The following NR3C1 variants were observed in gnomAD, a reference collection of about 807,000 sequenced individuals.
The protein encoded by NR3C1 is glucocorticoid receptor.
Under a neutral mutation model 74.0 loss-of-function variants are expected in NR3C1, and 14 were observed. The observed-to-expected ratio is 0.19, with a 90% CI of 0.12 to 0.30. NR3C1 has a LOEUF of 0.30. Ranked by LOEUF, NR3C1 falls within the 10% of genes least tolerant of loss-of-function variation. The pLI, the probability that NR3C1 is intolerant of heterozygous loss-of-function variation, is 1.00. For synonymous variants in NR3C1, 308 were observed against 332.5 expected (o/e 0.93, Z 0.80); for missense variants, 695 against 909.8 (o/e 0.76, Z 3.04).
intron 7 of NR3C1, among the ~76,000 whole-genome samples, chr5:143,291,527 A>ATTACTTTTCTTTAGCCTAAC (rs57155518): frequency 6.6e-6 from 1 of 151,934 alleles, no homozygotes; most frequent in Non-Finnish European, 1.5e-5. Context: ...CCTGGCTGGG[A>ATTACTTTTCTTTAGCCTAAC]TATATCCTCT....
At chr5:143,321,841 T>C (rs1823454840) in intron 2 of NR3C1, among the ~76,000 whole-genome samples, 1 of 152,238 alleles carries the variant, frequency 6.6e-6, no homozygotes, top group Non-Finnish European at 1.5e-5. Context: ...CACTGCCATA[T>C]AGCACTTTGC....
At chr5:143,411,207 A>G (rs775458250) in intron 1 of NR3C1, among the ~76,000 whole-genome samples, 2 of 152,186 alleles carry the variant, frequency 1.3e-5, no homozygotes, top group Admixed American at 6.5e-5. Context: ...GAGTACCTAT[A>G]CTATAGAAAT....
At chr5:143,411,366 A>G (rs896900174) in intron 1 of NR3C1, among the ~76,000 whole-genome samples, 3 of 152,202 alleles carry the variant, frequency 2.0e-5, no homozygotes, top group Admixed American at 6.5e-5. Flanking sequence ...AGTACTTGAA[A>G]GCTATTATCA....
intron 2 of NR3C1, among the ~76,000 whole-genome samples, chr5:143,337,749 A>G (rs1600093070): frequency 6.6e-6 from 1 of 152,372 alleles, no homozygotes; most frequent in East Asian, 1.9e-4. Context: ...TTCTATTCAC[A>G]TAAAATTCAT....
At chr5:143,395,728 A>G (rs1022070825) in intron 2 of NR3C1, among the ~76,000 whole-genome samples, 1 of 151,940 alleles carries the variant, frequency 6.6e-6, no homozygotes, top group Non-Finnish European at 1.5e-5. Flanking sequence ...GTCTAAGCTT[A>G]ATGTAAATTA....
At chr5:143,310,767 C>T (rs1420964197) in intron 3 of NR3C1, among the ~76,000 whole-genome samples, 1 of 152,190 alleles carries the variant, frequency 6.6e-6, no homozygotes, top group Non-Finnish European at 1.5e-5. Context: ...AAGCAATTCT[C>T]CTGGCTCAGA....
chr5:143,403,593 A>AGGC lies in NR3C1; in HGVS notation c.-399_-397dup. Reference sequence around the variant, plus strand: ...CAGACACGAGCTCGCAAAATGGAGGAGGCGGCGGCGGAGGGAAGAGAGCGC... The same window carrying AGGC: ...CAGACACGAGCTCGCAAAATGGAGGAGGCGGCGGCGGCGGAGGGAAGAGAGCGC... On this transcript the variant is annotated 5_prime_UTR_variant, in exon 1 of 9. Transcript: ENST00000394464. The AGGC allele has an allele frequency of 2.0e-6, 2 of 986,252 alleles. No homozygotes were observed. The highest frequency in any genetic ancestry group is 2.4e-6 in the Non-Finnish European group (2 of 830,664). 61.1% of individuals were successfully genotyped at this position (986,252 alleles called of 1,614,324 possible). A position where few individuals can be genotyped will look rare whatever the true frequency, so the allele number is the denominator to read the frequency against.
At chr5:143,294,484 C>A in intron 7 of NR3C1, 1 of 211,736 alleles carries the variant, frequency 4.7e-6, no homozygotes, top group Non-Finnish European at 8.2e-6. Context: ...ACCTCCTGTC[C>A]CACACATCAT....
intron 2 of NR3C1, among the ~76,000 whole-genome samples, chr5:143,329,796 A>C (rs776412239): frequency 2.0e-5 from 3 of 152,206 alleles, no homozygotes; most frequent in Non-Finnish European, 2.9e-5. Flanking sequence ...CTCCAGATAC[A>C]GATAAAAGGG....
At chr5:143,421,283 G>T (rs1423508147) in intron 1 of NR3C1, among the ~76,000 whole-genome samples, 1 of 152,148 alleles carries the variant, frequency 6.6e-6, no homozygotes, top group Non-Finnish European at 1.5e-5. Flanking sequence ...GCTCAGAAGG[G>T]CTTGCATGTT....
Position 143,309,983 on chromosome 5 carries a change from T to C in NR3C1, c.1468+114A>G, listed in dbSNP as rs940928008. ...AGTAACATTATGCTAGTCAAGCATA[T>C]ATATACTGAACTGACTACATTAATT... On this transcript the variant is annotated intron_variant, in intron 4 of 8. Transcript: ENST00000394464. 3.2e-5 allele frequency: 26 copies of C among 807,940 alleles called. No homozygotes were observed. The Middle Eastern group carries it at 1.0e-3, about 33-fold the overall frequency. The allele number at this position is 807,940 out of a possible 1,614,324, so 50.0% of individuals were successfully genotyped here. A position where few individuals can be genotyped will look rare whatever the true frequency, so the allele number is the denominator to read the frequency against.
chr5:143,322,734 C>G (rs1823645346), intron 2 of NR3C1, among the ~76,000 whole-genome samples: 1 of 152,154 alleles, frequency 6.6e-6, no homozygotes, highest in South Asian at 2.1e-4. Context: ...CCCTCAGAAC[C>G]AATCTCAACC....
At chr5:143,287,048 A>AAAAT (rs1814654480) in intron 7 of NR3C1, among the ~76,000 whole-genome samples, 1 of 152,116 alleles carries the variant, frequency 6.6e-6, no homozygotes, top group South Asian at 2.1e-4. Flanking sequence ...GAAATGAATG[A>AAAAT]AAATATACAA....
intron 8 of NR3C1, 33 bp from the exon 9 acceptor site, chr5:143,282,074 C>A: frequency 6.2e-7 from 1 of 1,612,586 alleles, no homozygotes; most frequent in South Asian, 1.1e-5. Context: ...GATCAGGCTT[C>A]CAAATTGGTC....
At chr5:143,378,009 G>T (rs1174166228) in intron 2 of NR3C1, among the ~76,000 whole-genome samples, 1 of 152,128 alleles carries the variant, frequency 6.6e-6, no homozygotes, top group Non-Finnish European at 1.5e-5. Flanking sequence ...CAGCATTTTG[G>T]AAGGCTGAGA....
intron 2 of NR3C1, among the ~76,000 whole-genome samples, chr5:143,338,344 C>CTTT (rs562531555): frequency 6.9e-6 from 1 of 144,564 alleles, no homozygotes; most frequent in Admixed American, 6.9e-5. Context: ...ACTTCTTGTC[C>CTTT]TTTTTTTTTT....
At position 143,341,857 on chromosome 5, in the gene NR3C1, A is replaced by G. The variant is rs61752278; in HGVS notation, c.1185-27689T>C. ...AAATTTTATTATGAATTGAACTGAA[A>G]TATTAGTACTATGGGCTTAACATCA... On this transcript the variant is annotated intron_variant, in intron 2 of 8. Coordinates refer to ENST00000394464, the MANE Select transcript of NR3C1 (RefSeq NM_000176.3). Among the ~76,000 whole-genome samples the G allele has an allele frequency of 9.5e-3, 1,448 of 152,324 alleles. 11 individuals are homozygous for G. Among genetic ancestry groups the G allele is most frequent in the South Asian group, 0.023 (109 of 4,828 alleles).
intron 1 of NR3C1, among the ~76,000 whole-genome samples, chr5:143,411,507 A>T (rs1298015117): frequency 6.6e-6 from 1 of 152,192 alleles, no homozygotes; most frequent in African/African-American, 2.4e-5. Flanking sequence ...AGTACCATGA[A>T]TGACTTCTTT....
At chr5:143,380,399 A>T (rs1049287947) in intron 2 of NR3C1, among the ~76,000 whole-genome samples, 1 of 151,432 alleles carries the variant, frequency 6.6e-6, no homozygotes, top group African/African-American at 2.4e-5. Flanking sequence ...TACAAAAACC[A>T]TTTTTTTTTA....
Sources: gnomAD v4.1 joint callset for allele counts (sites outside exome capture counted in the v4.1 genomes callset) on GRCh38, gnomAD v4.1.1 for gene constraint, MANE v1.5 for transcripts, NCBI Gene and HGNC (gene_info 2026-07-23, HGNC 2026-07-21) for gene names.